Variants in KCNIP3 observed in about 807,000 individuals in gnomAD.
KCNIP3 encodes potassium voltage-gated channel interacting protein 3.
Under a neutral mutation model 35.0 loss-of-function variants are expected in KCNIP3, and 28 were observed. The ratio of observed to expected loss-of-function variants is 0.80; its 90% CI spans 0.59 to 1.10. The LOEUF is 1.10. Among genes scored for constraint, KCNIP3 ranks in the 50% least tolerant of loss-of-function variants. The pLI is 0.00. For missense variants in KCNIP3, 295 were observed against 338.4 expected, an observed-to-expected ratio of 0.87 and a Z score of 1.01; for synonymous variants, 134 against 133.8, an observed-to-expected ratio of 1.00 and a Z score of -0.01.
intron 2 of KCNIP3, among the ~76,000 whole-genome samples, chr2:95,325,901 ACATT>A (rs1206322387): frequency 6.6e-6 from 1 of 151,672 alleles, no homozygotes; most frequent in Non-Finnish European, 1.5e-5. Context: ...TCATAGACAC[ACATT>A]CACTCATACA....
At chr2:95,307,239 C>A (rs1037812339) in intron 1 of KCNIP3, among the ~76,000 whole-genome samples, 3 of 152,198 alleles carry the variant, frequency 2.0e-5, no homozygotes, top group African/African-American at 7.2e-5. Context: ...CACACTGGGG[C>A]CCCCTAGCCC....
intron 2 of KCNIP3, among the ~76,000 whole-genome samples, chr2:95,360,063 T>C (rs1223138331): frequency 6.6e-6 from 1 of 152,144 alleles, no homozygotes; most frequent in Non-Finnish European, 1.5e-5. Flanking sequence ...TACTATATGA[T>C]ATTAAAAGAA....
At chr2:95,301,298 G>T (rs758592397) in intron 1 of KCNIP3, among the ~76,000 whole-genome samples, 2 of 152,258 alleles carry the variant, frequency 1.3e-5, no homozygotes, top group Non-Finnish European at 2.9e-5. Flanking sequence ...TGCCCCACAT[G>T]TGCACACAAA....
At chr2:95,353,803 G>A (rs1303325341) in intron 2 of KCNIP3, among the ~76,000 whole-genome samples, 5 of 152,144 alleles carry the variant, frequency 3.3e-5, no homozygotes, top group Admixed American at 2.6e-4. Flanking sequence ...CTCTTAGCTC[G>A]GCTCAGATTT....
At chr2:95,372,813 A>G (rs1342822931) in intron 2 of KCNIP3, among the ~76,000 whole-genome samples, 2 of 152,228 alleles carry the variant, frequency 1.3e-5, no homozygotes, top group Non-Finnish European at 1.5e-5. Context: ...CTTAAGGGGA[A>G]GGATGGTATG....
chr2:95,305,791 C>T (rs1678152683), intron 1 of KCNIP3, among the ~76,000 whole-genome samples: 2 of 152,206 alleles, frequency 1.3e-5, no homozygotes, highest in African/African-American at 2.4e-5. Flanking sequence ...GCGTAATTCT[C>T]TGGAGGTTCA....
intron 2 of KCNIP3, among the ~76,000 whole-genome samples, chr2:95,314,675 G>A (rs758909630): frequency 1.3e-5 from 2 of 152,268 alleles, no homozygotes; most frequent in Admixed American, 1.3e-4. Context: ...AGTGGTGTGA[G>A]GGGCCCAGCA....
At chr2:95,326,282 C>G (rs1223114210) in intron 2 of KCNIP3, among the ~76,000 whole-genome samples, 2 of 151,858 alleles carry the variant, frequency 1.3e-5, no homozygotes, top group Non-Finnish European at 2.9e-5. Context: ...ACTCACTACA[C>G]ATACACACTC....
At chr2:95,349,135 T>G (rs1481342078) in intron 2 of KCNIP3, among the ~76,000 whole-genome samples, 1 of 151,802 alleles carries the variant, frequency 6.6e-6, no homozygotes, top group Non-Finnish European at 1.5e-5. Flanking sequence ...GTTCCAGATG[T>G]TCTGTTGGTG....
At chr2:95,383,899 G>A (rs1451931423) in intron 8 of KCNIP3, 103 bp from the exon 9 acceptor site, 1 of 967,912 alleles carries the variant, frequency 1.0e-6, no homozygotes, top group African/African-American at 1.6e-5. Flanking sequence ...CAGACAGACA[G>A]GCAGTCGCTG....
chr2:95,325,537 G>T (rs1410279299), intron 2 of KCNIP3, among the ~76,000 whole-genome samples: 1 of 152,086 alleles, frequency 6.6e-6, no homozygotes, highest in Admixed American at 6.5e-5. Context: ...GTGTCCTGGA[G>T]CGAGGCAAGA....
At position 95,384,198 on chromosome 2, in the gene KCNIP3, A is replaced by ACC; in HGVS notation, c.*150_*151insCC. ...CACACACACACACACACACACACAC[A>ACC]CACACACAGCCATTCATCTGGGCTG... is the stretch of plus-strand genomic sequence containing the variant. On this transcript the variant is annotated 3_prime_UTR_variant, in exon 9 of 9. Transcript: ENST00000295225. 1.5e-6 allele frequency: 1 copy of ACC among 665,426 alleles called. No individual in the cohort carries two copies. The allele number at this position is 665,426 out of a possible 1,614,324, so 41.2% of individuals were successfully genotyped here. A position where few individuals can be genotyped will look rare whatever the true frequency, so the allele number is the denominator to read the frequency against.
intron 2 of KCNIP3, among the ~76,000 whole-genome samples, chr2:95,324,211 T>C (rs1201385474): frequency 1.3e-5 from 2 of 150,086 alleles, no homozygotes; most frequent in Non-Finnish European, 2.9e-5. Flanking sequence ...TGCTCAGAAG[T>C]TTTTCTTAAT....
intron 2 of KCNIP3, among the ~76,000 whole-genome samples, chr2:95,349,869 G>A (rs1679469328): frequency 6.6e-6 from 1 of 152,242 alleles, no homozygotes; most frequent in Admixed American, 6.5e-5. Context: ...CGGCCCCGAG[G>A]GCCATCAAGG....
chr2:95,382,335 AC>A lies in KCNIP3; in HGVS notation c.556-38del, dbSNP rs1251413002. On this transcript the variant is annotated intron_variant, in intron 6 of 8. Coordinates refer to ENST00000295225, the MANE Select transcript of KCNIP3 (RefSeq NM_013434.5). The surrounding 1 kb of genome is among the most constrained non-coding windows in gnomAD (Gnocchi z 4.5). Reference sequence around the variant, plus strand: ...CCGCTCCCTTTGGGCCCTCACAGCCACCCCGGCCTTGCAGCAGGCTCATGCC... The same window carrying A: ...CCGCTCCCTTTGGGCCCTCACAGCCACCCGGCCTTGCAGCAGGCTCATGCC... 7.8e-6 allele frequency: 11 copies of A among 1,417,234 alleles called. No homozygotes were observed. The South Asian group carries it at 1.5e-4, about 19-fold the overall frequency. The allele number at this position is 1,417,234 out of a possible 1,614,324, so 87.8% of individuals were successfully genotyped here.
intron 2 of KCNIP3, among the ~76,000 whole-genome samples, chr2:95,334,102 G>T (rs533988372): frequency 9.8e-5 from 15 of 152,334 alleles, no homozygotes; most frequent in Non-Finnish European, 1.3e-4. Flanking sequence ...TCACCAGCGA[G>T]GATGTGACTT....
Position 95,382,420 on chromosome 2 carries a change from G to T in KCNIP3, c.599G>T (p.Arg200Leu). 1 of 1,608,338 alleles carries T rather than the reference G, an allele frequency of 6.2e-7. No individual in the cohort carries two copies. The highest frequency in any genetic ancestry group is 8.5e-7 in the Non-Finnish European group (1 of 1,177,636). ...AAGTCCATCTATGACATGATGGGCC[G>T]CCACACCTACCCCATCCTGCGGGAG... The part of the protein sequence containing the change: ...IMKSIYDMMG[R>L]HTYPILREDA... Residue 200 changes from arginine to leucine, a missense_variant, in exon 7 of 9, where the codon CGC becomes CTC. Arg to Leu is a moderately radical substitution (Grantham distance 102, BLOSUM62 -2). Transcript: ENST00000295225. The surrounding 1 kb of genome is among the most constrained non-coding windows in gnomAD (Gnocchi z 4.5).
chr2:95,316,466 A>G (rs541638773), intron 2 of KCNIP3, among the ~76,000 whole-genome samples: 6 of 152,186 alleles, frequency 3.9e-5, no homozygotes, highest in African/African-American at 1.4e-4. Flanking sequence ...TATGGGAAAC[A>G]TGGGGTGAGG....
chr2:95,362,719 G>A (rs989012876), intron 2 of KCNIP3, among the ~76,000 whole-genome samples: 2 of 152,068 alleles, frequency 1.3e-5, no homozygotes, highest in African/African-American at 4.8e-5. Flanking sequence ...TGTAGATACA[G>A]ATGAAGCTTC....
Sources: gnomAD v4.1 joint callset for allele counts (sites outside exome capture counted in the v4.1 genomes callset) on GRCh38, gnomAD v4.1.1 for gene constraint, Gnocchi (gnomAD v3.1) non-coding constraint, MANE v1.5 for transcripts, NCBI Gene and HGNC (gene_info 2026-07-23, HGNC 2026-07-21) for gene names.